The following UNC13C variants were observed in gnomAD, a reference collection of about 807,000 sequenced individuals.
UNC13C encodes the protein protein unc-13 homolog C.
Under a neutral mutation model 245.4 loss-of-function variants are expected in UNC13C, and 174 were observed. The ratio of observed to expected loss-of-function variants is 0.71; its 90% CI spans 0.63 to 0.80. The LOEUF is 0.80. UNC13C is among the 30% of genes least tolerant of loss of function. The pLI is 0.00. For missense variants in UNC13C, 2,829 were observed against 2,602.9 expected (o/e 1.09, Z -1.89); for synonymous variants, 992 against 895.1 (o/e 1.11, Z -1.93).
chr15:54,133,269 C>T (rs2031539086), intron 2 of UNC13C, among the ~76,000 whole-genome samples: 1 of 152,090 alleles, frequency 6.6e-6, no homozygotes, highest in South Asian at 2.1e-4. Flanking sequence ...AGATTTACTT[C>T]TTGGGGATGC....
chr15:54,269,770 C>T (rs2140898766), intron 10 of UNC13C, among the ~76,000 whole-genome samples: 1 of 152,236 alleles, frequency 6.6e-6, no homozygotes, highest in East Asian at 1.9e-4. Context: ...TGGCAGTTTT[C>T]ATATAATTTT....
intron 19 of UNC13C, among the ~76,000 whole-genome samples, chr15:54,453,689 A>T (rs950632618): frequency 6.6e-6 from 1 of 152,080 alleles, no homozygotes; most frequent in African/African-American, 2.4e-5. Flanking sequence ...ATATTGACAA[A>T]TTTTTTTCTG....
chr15:54,377,864 T>G (rs2039639779), intron 17 of UNC13C, among the ~76,000 whole-genome samples: 1 of 152,202 alleles, frequency 6.6e-6, no homozygotes, highest in Admixed American at 6.5e-5. Flanking sequence ...TATCAATGTA[T>G]GAATTTGGCC....
intron 4 of UNC13C, among the ~76,000 whole-genome samples, chr15:54,195,014 C>T (rs12441525): frequency 0.16 from 24,922 of 151,872 alleles, 2,582 homozygotes; most frequent in East Asian, 0.24. Context: ...TGGCATTCCA[C>T]GAATAGAATA....
chr15:54,515,504 C>T (rs926688794), intron 24 of UNC13C, among the ~76,000 whole-genome samples: 31 of 152,216 alleles, frequency 2.0e-4, no homozygotes, highest in African/African-American at 7.5e-4. Flanking sequence ...AAGGACTTAT[C>T]ATTAATTTGT....
At chr15:53,888,450 C>T in the UNC13C span, among the ~76,000 whole-genome samples, 1 of 151,966 alleles carries the variant, frequency 6.6e-6, no homozygotes, top group Non-Finnish European at 1.5e-5. Flanking sequence ...TGGATATTAG[C>T]CCTTTGTCAG....
chr15:54,065,983 T>C (rs1898058625), intron 2 of UNC13C, among the ~76,000 whole-genome samples: 1 of 152,196 alleles, frequency 6.6e-6, no homozygotes, highest in South Asian at 2.1e-4. Context: ...TATCCCCCAA[T>C]TTTACTATTT....
chr15:54,282,944 G>A (rs954780177), intron 10 of UNC13C, among the ~76,000 whole-genome samples: 2 of 152,150 alleles, frequency 1.3e-5, no homozygotes, highest in African/African-American at 4.8e-5. Flanking sequence ...AGGATGGTGT[G>A]TGCATGCTGA....
chr15:54,300,348 A>T lies in UNC13C; in HGVS notation c.4243A>T (p.Ile1415Phe). Reference protein sequence around the residue: ...IVDEFAMRYGIESIYQAMTHF... With the variant: ...IVDEFAMRYGFESIYQAMTHF... Reference sequence around the variant, plus strand: ...TGATGAATTTGCTATGCGTTATGGAATTGAATCCATTTATCAAGCTATGAC... The same window carrying T: ...TGATGAATTTGCTATGCGTTATGGATTTGAATCCATTTATCAAGCTATGAC... Residue 1415 changes from isoleucine (I) to phenylalanine (F), a missense_variant, in exon 13 of 33, where the codon ATT becomes TTT. Ile to Phe is a conservative substitution (Grantham distance 21). Coordinates refer to ENST00000260323, the MANE Select transcript of UNC13C (RefSeq NM_001080534.3). The T allele has an allele frequency of 6.3e-7, 1 of 1,578,136 alleles. No individual in the cohort carries two copies. The highest frequency in any genetic ancestry group is 8.6e-7 in the Non-Finnish European group (1 of 1,160,240).
intron 1 of UNC13C, among the ~76,000 whole-genome samples, chr15:53,983,259 A>G (rs566977584): frequency 3.9e-5 from 6 of 152,206 alleles, no homozygotes; most frequent in African/African-American, 1.4e-4. Flanking sequence ...TACCTACTGT[A>G]CTTAGTTACT....
chr15:54,100,000 TG>T (rs1900079367), intron 2 of UNC13C, among the ~76,000 whole-genome samples: 1 of 149,534 alleles, frequency 6.7e-6, no homozygotes, highest in African/African-American at 2.5e-5. Context: ...TTCAGGAGGC[TG>T]GGGTATGAGA....
At chr15:54,109,814 G>A (rs547825019) in intron 2 of UNC13C, among the ~76,000 whole-genome samples, 58 of 152,114 alleles carry the variant, frequency 3.8e-4, no homozygotes, top group African/African-American at 1.4e-3. Context: ...ATTATAGGTG[G>A]ATATCTCCCT....
intron 4 of UNC13C, among the ~76,000 whole-genome samples, chr15:54,216,609 A>G (rs137858918): frequency 1.0e-3 from 156 of 152,084 alleles, no homozygotes; most frequent in African/African-American, 3.1e-3. Context: ...AGAGAAAGCA[A>G]GAGAGGGCAA....
intron 2 of UNC13C, among the ~76,000 whole-genome samples, chr15:54,125,870 A>T (rs1203305494): frequency 1.3e-5 from 2 of 152,156 alleles, no homozygotes; most frequent in Non-Finnish European, 2.9e-5. Flanking sequence ...TATTAGATTA[A>T]TGTTTGTATG....
At chr15:54,279,901 A>G (rs4776223) in intron 10 of UNC13C, among the ~76,000 whole-genome samples, 22,488 of 152,136 alleles carry the variant, frequency 0.15, 1,787 homozygotes, top group Middle Eastern at 0.19. Context: ...CTAAAAGTCA[A>G]TATAATATAA....
intron 19 of UNC13C, among the ~76,000 whole-genome samples, chr15:54,424,715 T>C (rs1333250853): frequency 2.0e-5 from 3 of 151,538 alleles, no homozygotes; most frequent in African/African-American, 7.3e-5. Context: ...ACAATAGAAT[T>C]AGGGGCAAGA....
chr15:54,232,751 A>G (rs181990639), intron 4 of UNC13C, among the ~76,000 whole-genome samples: 6 of 152,296 alleles, frequency 3.9e-5, no homozygotes, highest in South Asian at 2.1e-4. Flanking sequence ...AGGTACTGTA[A>G]TGGGAAAATA....
upstream of UNC13C, among the ~76,000 whole-genome samples, chr15:53,977,975 G>T (rs941676276): frequency 1.8e-4 from 28 of 152,148 alleles, no homozygotes; most frequent in Admixed American, 2.6e-4. Context: ...AAACCAACTG[G>T]GATGGGATAT....
At chr15:54,609,107 C>T (rs1899936852) in intron 30 of UNC13C, among the ~76,000 whole-genome samples, 1 of 152,192 alleles carries the variant, frequency 6.6e-6, no homozygotes, top group Admixed American at 6.5e-5. Flanking sequence ...GTGGTCATCT[C>T]TTGGATGTGT....
Sources: allele counts gnomAD v4.1 joint callset (sites outside exome capture counted in the v4.1 genomes callset), GRCh38; gene constraint gnomAD v4.1.1; transcripts MANE v1.5; gene names NCBI Gene and HGNC (gene_info 2026-07-23, HGNC 2026-07-21).